Variants in EXOC4 observed in about 807,000 individuals in gnomAD.
EXOC4 encodes SEC8-like 1.
Under a neutral mutation model 107.2 loss-of-function variants are expected in EXOC4, and 71 were observed. That is an observed-to-expected ratio of 0.66 (90% CI 0.55 to 0.81). EXOC4 has a LOEUF of 0.81. EXOC4 is among the 30% of genes least tolerant of loss of function. EXOC4 has a pLI of 0.00. For synonymous variants in EXOC4, 456 were observed against 441.2 expected, an observed-to-expected ratio of 1.03 and a Z score of -0.42; for missense variants, 1,108 against 1,189.6, an observed-to-expected ratio of 0.93 and a Z score of 1.01.
chr7:133,905,927 A>C (rs1799555116), intron 12 of EXOC4, among the ~76,000 whole-genome samples: 1 of 152,080 alleles, frequency 6.6e-6, no homozygotes. Context: ...TCATTGAGGA[A>C]ATTTCTACCA....
chr7:133,936,804 T>G (rs1800313634), intron 13 of EXOC4, among the ~76,000 whole-genome samples: 3 of 152,022 alleles, frequency 2.0e-5, no homozygotes, highest in African/African-American at 7.2e-5. Context: ...TGGCTGTAGG[T>G]GCATGCCGGC....
At chr7:133,618,845 T>C (rs1486462960) in intron 9 of EXOC4, among the ~76,000 whole-genome samples, 21 of 152,202 alleles carry the variant, frequency 1.4e-4, no homozygotes, top group Admixed American at 7.2e-4. Context: ...TTATTGAACA[T>C]AGTAAATGTA....
At chr7:133,705,036 A>G (rs112047623) in intron 10 of EXOC4, among the ~76,000 whole-genome samples, 1 of 152,182 alleles carries the variant, frequency 6.6e-6, no homozygotes, top group Non-Finnish European at 1.5e-5. Flanking sequence ...CTTTTCACTT[A>G]GCAGAAAAGC....
At chr7:133,752,498 C>G (rs1795815434) in intron 10 of EXOC4, among the ~76,000 whole-genome samples, 1 of 152,124 alleles carries the variant, frequency 6.6e-6, no homozygotes, top group African/African-American at 2.4e-5. Context: ...TTCATTGATT[C>G]AGGATATGCA....
chr7:133,416,129 A>G (rs901353342), intron 7 of EXOC4, among the ~76,000 whole-genome samples: 4 of 152,172 alleles, frequency 2.6e-5, no homozygotes, highest in Non-Finnish European at 4.4e-5. Flanking sequence ...TTCAAAATCA[A>G]ATTGTAGGGA....
At position 133,462,900 on chromosome 7, in the gene EXOC4, G is replaced by C. The variant is rs1031193111; in HGVS notation, c.1183-12428G>C. Among the ~76,000 whole-genome samples the C allele has an allele frequency of 2.0e-5, 3 of 152,186 alleles. No homozygotes were observed. The East Asian group carries it at 5.8e-4, about 29-fold the overall frequency. On this transcript the variant is annotated intron_variant, in intron 7 of 17. Coordinates refer to ENST00000253861, the MANE Select transcript of EXOC4 (RefSeq NM_021807.4). The stretch of plus-strand genomic sequence containing the variant: ...CATCCTATAGAGGTTGATTGGGGCT[G>C]TGTTGTGAGAGGCGCTGAATAATAA...
At chr7:134,089,415 C>T in the EXOC4 span, among the ~76,000 whole-genome samples, 3 of 152,170 alleles carry the variant, frequency 2.0e-5, no homozygotes, top group African/African-American at 7.2e-5. Context: ...CTTAGCAACT[C>T]TTACTTCTGG....
intron 9 of EXOC4, 125 bp from the exon 10 acceptor site, chr7:133,629,920 C>G: frequency 3.1e-6 from 2 of 645,540 alleles, no homozygotes; most frequent in East Asian, 2.6e-5. Flanking sequence ...TCGTACATAC[C>G]GAAGGTTACT....
At chr7:133,464,080 T>C (rs1798658846) in intron 7 of EXOC4, among the ~76,000 whole-genome samples, 2 of 152,204 alleles carry the variant, frequency 1.3e-5, no homozygotes, top group African/African-American at 2.4e-5. Context: ...TTCTGAGCCT[T>C]ATCCTGATAG....
chr7:133,537,190 G>A (rs1412900286), intron 9 of EXOC4, among the ~76,000 whole-genome samples: 3 of 150,908 alleles, frequency 2.0e-5, no homozygotes, highest in East Asian at 1.9e-4. Context: ...TCACTCTGTC[G>A]CCCAAGCTGG....
intron 10 of EXOC4, among the ~76,000 whole-genome samples, chr7:133,668,290 C>T (rs868167595): frequency 1.3e-5 from 2 of 152,164 alleles, no homozygotes; most frequent in South Asian, 4.1e-4. Context: ...TGTATACATA[C>T]AGAATATTCA....
chr7:134,009,343 T>A (rs1286518469), intron 17 of EXOC4, among the ~76,000 whole-genome samples: 2 of 152,196 alleles, frequency 1.3e-5, no homozygotes, highest in African/African-American at 4.8e-5. Context: ...GTAAAGACAA[T>A]ATGCTGTGAT....
intron 9 of EXOC4, among the ~76,000 whole-genome samples, chr7:133,565,533 G>A (rs1050148167): frequency 1.3e-5 from 2 of 152,154 alleles, no homozygotes; most frequent in Admixed American, 6.5e-5. Flanking sequence ...CAGAGTTTTC[G>A]TGATTCAGTA....
chr7:133,431,719 G>C (rs1227376644), intron 7 of EXOC4, among the ~76,000 whole-genome samples: 1 of 152,200 alleles, frequency 6.6e-6, no homozygotes, highest in African/African-American at 2.4e-5. Context: ...ATGTTAAGTG[G>C]AGTTGTGTGC....
intron 10 of EXOC4, among the ~76,000 whole-genome samples, chr7:133,661,990 G>T (rs986642101): frequency 1.3e-5 from 2 of 152,120 alleles, no homozygotes; most frequent in East Asian, 1.9e-4. Context: ...GCCAATCTCT[G>T]TGTTGAGCCT....
intron 7 of EXOC4, among the ~76,000 whole-genome samples, chr7:133,467,623 A>C (rs974798098): frequency 7.1e-6 from 1 of 140,450 alleles, no homozygotes; most frequent in African/African-American, 2.7e-5. Flanking sequence ...GAAGTTTGTC[A>C]GTGTACTCCC....
Position 133,816,963 on chromosome 7 carries a change from G to A in EXOC4, c.1515-362G>A, listed in dbSNP as rs1218806176. 2.0e-5 allele frequency among the ~76,000 whole-genome samples: 3 copies of A among 152,094 alleles called. No individual in the cohort carries two copies. The South Asian group carries it at 6.2e-4, about 32-fold the overall frequency. Reference sequence around the variant, plus strand: ...GGGGGACCCCTGATGTAAAGGTTTCGGTGGGAAATATGTACTCTTCGGGGA... The same window carrying A: ...GGGGGACCCCTGATGTAAAGGTTTCAGTGGGAAATATGTACTCTTCGGGGA... On this transcript the variant is annotated intron_variant, in intron 10 of 17. Coordinates refer to ENST00000253861, the MANE Select transcript of EXOC4 (RefSeq NM_021807.4).
chr7:133,656,642 G>A lies in EXOC4; in HGVS notation c.1514+26501G>A, dbSNP rs533285825. 1.2e-4 allele frequency among the ~76,000 whole-genome samples: 18 copies of A among 152,192 alleles called. No individual in the cohort carries two copies. In the South Asian group the frequency reaches 2.9e-3, roughly 25 times the overall value. On this transcript the variant is annotated intron_variant, in intron 10 of 17. Coordinates refer to ENST00000253861, the MANE Select transcript of EXOC4 (RefSeq NM_021807.4). ...GAATCCTTACAGAACAAAAACACAA[G>A]TGCCTACCTATTTTAAATTGTTTCC...
At chr7:133,314,125 C>T (rs1487738188) in intron 4 of EXOC4, among the ~76,000 whole-genome samples, 1 of 152,054 alleles carries the variant, frequency 6.6e-6, no homozygotes, top group East Asian at 1.9e-4. Context: ...TCAATCCCTT[C>T]TCAGCTTTAT....
Sources: gnomAD v4.1 joint callset for allele counts (sites outside exome capture counted in the v4.1 genomes callset) on GRCh38, gnomAD v4.1.1 for gene constraint, MANE v1.5 for transcripts, NCBI Gene and HGNC (gene_info 2026-07-23, HGNC 2026-07-21) for gene names.